The following SCRG1 variants were observed in gnomAD, a reference collection of about 807,000 sequenced individuals.
SCRG1 encodes scrapie-responsive protein 1.
Under a neutral mutation model 7.7 loss-of-function variants are expected in SCRG1, and 3 were observed. The observed-to-expected ratio is 0.39, with a 90% CI of 0.18 to 1.01. The LOEUF is 1.01. Ranked by LOEUF, SCRG1 falls within the 50% of genes least tolerant of loss-of-function variation. The pLI is 0.36. For missense variants in SCRG1, 110 were observed against 117.2 expected, an observed-to-expected ratio of 0.94 and a Z score of 0.28; for synonymous variants, 46 against 41.2, an observed-to-expected ratio of 1.12 and a Z score of -0.44.
chr4:173,416,844 A>G, the SCRG1 span, among the ~76,000 whole-genome samples: 1 of 151,774 alleles, frequency 6.6e-6, no homozygotes, highest in East Asian at 1.9e-4. Context: ...AAGAATATAC[A>G]CATAAGAAGA....
At chr4:173,424,883 A>G in the SCRG1 span, among the ~76,000 whole-genome samples, 1 of 12,786 alleles carries the variant, frequency 7.8e-5, no homozygotes. Flanking sequence ...TGGGTGACAG[A>G]GTGAGACTCC....
At chr4:173,471,302 C>T in the SCRG1 span, among the ~76,000 whole-genome samples, 1 of 152,078 alleles carries the variant, frequency 6.6e-6, no homozygotes, top group Non-Finnish European at 1.5e-5. Flanking sequence ...GAACCAAAAC[C>T]TTCTGGAATT....
chr4:173,515,586 CTGTGTG>C, the SCRG1 span, among the ~76,000 whole-genome samples: 19 of 150,594 alleles, frequency 1.3e-4, no homozygotes, highest in African/African-American at 2.9e-4. The surrounding 1 kb of genome is among the most constrained non-coding windows in gnomAD (Gnocchi z 4.6). Context: ...GTGTGTGTGT[CTGTGTG>C]TGTGTGTGTG....
the SCRG1 span, among the ~76,000 whole-genome samples, chr4:173,439,000 T>G: frequency 2.9e-3 from 447 of 151,894 alleles, no homozygotes; most frequent in African/African-American, 0.01. Context: ...GTGCATGGAA[T>G]GTGTGCAGAT....
chr4:173,441,784 A>G, the SCRG1 span, among the ~76,000 whole-genome samples: 1 of 152,174 alleles, frequency 6.6e-6, no homozygotes, highest in Non-Finnish European at 1.5e-5. Flanking sequence ...CTGAAGCAGG[A>G]GGATCACTTG....
At chr4:173,452,236 AAAG>A in the SCRG1 span, among the ~76,000 whole-genome samples, 63,556 of 102,446 alleles carry the variant, frequency 0.62, 14,315 homozygotes, top group South Asian at 0.7. Context: ...ACTTCATCTC[AAAG>A]AAGAAAAAAA....
upstream of SCRG1, among the ~76,000 whole-genome samples, chr4:173,401,242 T>C (rs1578968065): frequency 6.6e-6 from 1 of 152,216 alleles, no homozygotes; most frequent in East Asian, 1.9e-4. Context: ...ACTGCACATT[T>C]CCTTTGCATA....
chr4:173,425,166 G>A, the SCRG1 span, among the ~76,000 whole-genome samples: 1 of 152,174 alleles, frequency 6.6e-6, no homozygotes, highest in African/African-American at 2.4e-5. Context: ...ACTTAAGGCT[G>A]AGTAATCCAT....
chr4:173,424,637 C>T, the SCRG1 span, among the ~76,000 whole-genome samples: 59,768 of 151,992 alleles, frequency 0.39, 12,540 homozygotes, highest in Admixed American at 0.56. Flanking sequence ...AGGCTGGGCG[C>T]GGTGGCTCAC....
At chr4:173,443,570 C>T in the SCRG1 span, among the ~76,000 whole-genome samples, 5 of 152,156 alleles carry the variant, frequency 3.3e-5, no homozygotes, top group East Asian at 1.9e-4. Flanking sequence ...AAAATATTAT[C>T]GCTTTGCCTT....
chr4:173,511,168 G>A, the SCRG1 span, among the ~76,000 whole-genome samples: 5 of 152,038 alleles, frequency 3.3e-5, no homozygotes, highest in African/African-American at 1.2e-4. The surrounding 1 kb of genome is among the most constrained non-coding windows in gnomAD (Gnocchi z 5.2). Flanking sequence ...GGGTGGGGGG[G>A]TGTTTCACCA....
chr4:173,518,146 G>T, the SCRG1 span, among the ~76,000 whole-genome samples: 4 of 151,832 alleles, frequency 2.6e-5, no homozygotes, highest in African/African-American at 7.3e-5. Context: ...CGTTTTTTTC[G>T]CCCGCAGGAA....
chr4:173,391,148 A>G, intron 2 of SCRG1, 25 bp downstream of exon 2: 1 of 1,612,214 alleles, frequency 6.2e-7, no homozygotes, highest in Non-Finnish European at 8.5e-7. Context: ...TCCAGGCAAT[A>G]CACTTTGTGA....
At chr4:173,396,245 A>G (rs1175931494) in intron 1 of SCRG1, among the ~76,000 whole-genome samples, 3 of 152,224 alleles carry the variant, frequency 2.0e-5, no homozygotes, top group African/African-American at 7.2e-5. Flanking sequence ...GTTAGATATT[A>G]AAGTGAAGAT....
At chr4:173,491,024 G>C in the SCRG1 span, among the ~76,000 whole-genome samples, 872 of 152,252 alleles carry the variant, frequency 5.7e-3, 5 homozygotes, top group African/African-American at 0.018. Flanking sequence ...AGCTGATGGA[G>C]TATTCACAGG....
the SCRG1 span, among the ~76,000 whole-genome samples, chr4:173,431,672 C>T: frequency 6.6e-6 from 1 of 152,198 alleles, no homozygotes; most frequent in African/African-American, 2.4e-5. Context: ...TCTCTCATCC[C>T]TGCCCCAGGA....
At chr4:173,420,152 A>G in the SCRG1 span, 5 of 508,958 alleles carry the variant, frequency 9.8e-6, no homozygotes, top group Non-Finnish European at 1.9e-5. Context: ...CAGAACAGAG[A>G]CCCACATCCG....
the SCRG1 span, chr4:173,419,636 A>G: frequency 1.1e-5 from 8 of 732,620 alleles, no homozygotes; most frequent in African/African-American, 1.4e-4. Flanking sequence ...CAAACCAAGG[A>G]ATCGTTTGCT....
intron 1 of SCRG1, among the ~76,000 whole-genome samples, chr4:173,394,915 T>G (rs886904463): frequency 1.3e-5 from 2 of 152,222 alleles, no homozygotes; most frequent in Non-Finnish European, 2.9e-5. Flanking sequence ...TACACTTATC[T>G]TTATCAATGA....
Sources: gnomAD v4.1 joint callset for allele counts (sites outside exome capture counted in the v4.1 genomes callset) on GRCh38, gnomAD v4.1.1 for gene constraint, Gnocchi (gnomAD v3.1) non-coding constraint, MANE v1.5 for transcripts, NCBI Gene and HGNC (gene_info 2026-07-23, HGNC 2026-07-21) for gene names.